PLEKHA7: variants seen among roughly 807,000 people sequenced by gnomAD.
PLEKHA7 encodes pleckstrin homology domain-containing family A member 7.
In PLEKHA7, 104 loss-of-function variants were observed where a neutral mutation model predicts 170.0. The observed-to-expected ratio is 0.61, with a 90% CI of 0.52 to 0.72. The LOEUF is 0.72. PLEKHA7 is among the 30% of genes least tolerant of loss of function. The pLI, the probability that PLEKHA7 is intolerant of heterozygous loss-of-function variation, is 0.00. For synonymous variants in PLEKHA7, 648 were observed against 660.8 expected (o/e 0.98, Z 0.30); for missense variants, 1,615 against 1,671.7 (o/e 0.97, Z 0.59).
intron 3 of PLEKHA7, among the ~76,000 whole-genome samples, chr11:16,987,304 C>G (rs371214184): frequency 1.3e-5 from 2 of 150,428 alleles, no homozygotes; most frequent in African/African-American, 4.9e-5. Flanking sequence ...CTGGCTCCGC[C>G]CCCCAGAAGC....
At chr11:16,871,315 C>T (rs1356792396) in intron 3 of PLEKHA7, 133 bp from the exon 4 acceptor site, 2 of 648,774 alleles carry the variant, frequency 3.1e-6, no homozygotes, top group Non-Finnish European at 5.5e-6. Context: ...GGCCTTTCCT[C>T]TGAGACACAC....
intron 3 of PLEKHA7, among the ~76,000 whole-genome samples, chr11:16,969,872 G>A (rs577059022): frequency 6.6e-6 from 1 of 152,308 alleles, no homozygotes; most frequent in South Asian, 2.1e-4. Flanking sequence ...AAGCTAGTTT[G>A]AGTTGGGTTT....
intron 3 of PLEKHA7, among the ~76,000 whole-genome samples, chr11:16,892,440 T>TGTGTGTGTGTGTG (rs749414406): frequency 9.2e-4 from 94 of 102,488 alleles, no homozygotes; most frequent in African/African-American, 2.3e-3. Flanking sequence ...GTGTGTTTTG[T>TGTGTGTGTGTGTG]TTTGTTTTGT....
intron 3 of PLEKHA7, among the ~76,000 whole-genome samples, chr11:16,989,936 G>A (rs186407220): frequency 6.6e-6 from 1 of 152,056 alleles, no homozygotes; most frequent in East Asian, 1.9e-4. Context: ...CCCCAAACCT[G>A]GACATAGCAA....
intron 3 of PLEKHA7, among the ~76,000 whole-genome samples, chr11:16,883,921 A>G (rs780226188): frequency 2.8e-4 from 42 of 152,170 alleles, no homozygotes; most frequent in Non-Finnish European, 5.4e-4. Context: ...AGGGGCAACT[A>G]CCTTTATCAG....
intron 12 of PLEKHA7, chr11:16,815,212 T>G (rs897526705): frequency 2.0e-5 from 3 of 152,752 alleles, no homozygotes; most frequent in African/African-American, 7.2e-5. Context: ...CTGCAGTAAC[T>G]GGCTGATGGC....
chr11:16,800,942 A>T, intron 17 of PLEKHA7, 32 bp downstream of exon 17: 1 of 1,566,590 alleles, frequency 6.4e-7, no homozygotes, highest in African/African-American at 1.4e-5. Flanking sequence ...AAAAAACAAG[A>T]GCTCAGAAGA....
intron 6 of PLEKHA7, among the ~76,000 whole-genome samples, chr11:16,853,243 C>T (rs950687808): frequency 6.6e-6 from 1 of 152,152 alleles, no homozygotes; most frequent in African/African-American, 2.4e-5. Context: ...CTTCCTTCTG[C>T]AGAAGTTTTT....
intron 13 of PLEKHA7, among the ~76,000 whole-genome samples, chr11:16,804,185 C>A (rs1590172682): frequency 6.6e-6 from 1 of 152,104 alleles, no homozygotes. Flanking sequence ...CAAGATAAGG[C>A]CAGGGAGAAC....
intron 17 of PLEKHA7, among the ~76,000 whole-genome samples, chr11:16,799,030 G>T (rs1848418039): frequency 6.6e-6 from 1 of 152,228 alleles, no homozygotes; most frequent in South Asian, 2.1e-4. Context: ...TGAGATGATA[G>T]AAACCTATAA....
intron 3 of PLEKHA7, among the ~76,000 whole-genome samples, chr11:16,970,267 G>C (rs896974463): frequency 3.3e-5 from 5 of 152,094 alleles, no homozygotes; most frequent in African/African-American, 4.8e-5. Flanking sequence ...TTCTTATCTT[G>C]AACAAATGGC....
intron 26 of PLEKHA7, among the ~76,000 whole-genome samples, chr11:16,779,880 A>T (rs1438238599): frequency 1.3e-5 from 2 of 151,704 alleles, no homozygotes; most frequent in East Asian, 3.9e-4. Flanking sequence ...CTCTGAACTC[A>T]CATCAAAGGG....
intron 3 of PLEKHA7, among the ~76,000 whole-genome samples, chr11:16,883,316 A>AGAAACC (rs1270732563): frequency 6.6e-6 from 1 of 152,252 alleles, no homozygotes; most frequent in Non-Finnish European, 1.5e-5. Context: ...ATCCTTGTTC[A>AGAAACC]CCAGGAAACA....
chr11:16,874,623 G>A (rs924151135), intron 3 of PLEKHA7, among the ~76,000 whole-genome samples: 3 of 152,058 alleles, frequency 2.0e-5, no homozygotes, highest in African/African-American at 7.3e-5. Context: ...GTCTGAATTG[G>A]GGCAGCTTCC....
intron 3 of PLEKHA7, among the ~76,000 whole-genome samples, chr11:16,973,212 C>G (rs555925470): frequency 7.9e-5 from 12 of 152,354 alleles, no homozygotes; most frequent in African/African-American, 2.9e-4. Flanking sequence ...CAGATCAGCT[C>G]TCTCACAGGG....
At chr11:16,926,455 T>C (rs537913056) in intron 3 of PLEKHA7, among the ~76,000 whole-genome samples, 3 of 152,340 alleles carry the variant, frequency 2.0e-5, no homozygotes, top group Admixed American at 1.3e-4. Flanking sequence ...GGTTAGTATA[T>C]GCCAGGAGCA....
chr11:16,814,468 C>G (rs919069707), intron 12 of PLEKHA7, among the ~76,000 whole-genome samples: 8 of 152,218 alleles, frequency 5.3e-5, no homozygotes, highest in Non-Finnish European at 8.8e-5. Flanking sequence ...CTGAGGACAA[C>G]CCCAGGGAGG....
At chr11:16,913,586 C>T (rs1858417367) in intron 3 of PLEKHA7, among the ~76,000 whole-genome samples, 2 of 152,112 alleles carry the variant, frequency 1.3e-5, no homozygotes, top group South Asian at 2.1e-4. Context: ...TGAGGGGAAG[C>T]GACAGCAGGT....
chr11:16,926,336 C>G, intron 3 of PLEKHA7, among the ~76,000 whole-genome samples: 1 of 152,208 alleles, frequency 6.6e-6, no homozygotes, highest in East Asian at 1.9e-4. Context: ...AGGGATCACT[C>G]TCCTGGTCCT....
Sources: allele counts gnomAD v4.1 joint callset (sites outside exome capture counted in the v4.1 genomes callset), GRCh38; gene constraint gnomAD v4.1.1; transcripts MANE v1.5; gene names NCBI Gene and HGNC (gene_info 2026-07-23, HGNC 2026-07-21).